The following RNF167 variants were observed in gnomAD, a reference collection of about 807,000 sequenced individuals.
RNF167 encodes E3 ubiquitin-protein ligase RNF167.
RNF167 carries 19 observed loss-of-function variants against 34.8 expected under a neutral mutation model. The ratio of observed to expected loss-of-function variants is 0.55; its 90% CI spans 0.38 to 0.80. The LOEUF (loss-of-function observed/expected upper bound fraction) is 0.80, where lower values mean the gene tolerates loss of function less well. Among genes scored for constraint, RNF167 ranks in the 30% least tolerant of loss-of-function variants. The pLI is 0.00. For missense variants in RNF167, 464 were observed against 447.0 expected (o/e 1.04, Z -0.34); for synonymous variants, 200 against 170.4 (o/e 1.17, Z -1.35).
chr17:4,944,792 CG>C lies in RNF167; in HGVS notation c.833del (p.Gly278ValfsTer47). 2 of 1,612,250 alleles carry C rather than the reference CG, an allele frequency of 1.2e-6. No homozygotes were observed. The highest frequency in any genetic ancestry group is 1.7e-6 in the Non-Finnish European group (2 of 1,179,004). On this transcript the variant is annotated frameshift_variant, in exon 10 of 10. Transcript: ENST00000262482. LOFTEE classifies it low-confidence loss of function (END_TRUNC). ...CCCCATTTGCAAGCAGCCTGTTCAT[CG>C]GGGTCCTGGGGACGAAGACCAAGAG... is the stretch of plus-strand genomic sequence containing the variant. ...TCPICKQPVH[R>X]GPGDEDQEEE... is the part of the protein sequence containing the mutation.
At chr17:4,943,026 C>A (rs1052260853) in intron 6 of RNF167, 85 bp downstream of exon 6, 5 of 1,376,496 alleles carry the variant, frequency 3.6e-6, no homozygotes, top group Non-Finnish European at 5.2e-6. Flanking sequence ...TTACCCGAAC[C>A]ATTCAGCCTC....
chr17:4,940,233 G>C (rs1567653961), upstream of RNF167: 6 of 253,872 alleles, frequency 2.4e-5, no homozygotes, highest in East Asian at 3.6e-4. Context: ...GAGATCGAGT[G>C]AGTACGGCTC....
At chr17:4,940,245 C>A (rs1316215081), upstream of RNF167, 1 of 231,870 alleles carries the variant, frequency 4.3e-6, no homozygotes, top group Non-Finnish European at 8.2e-6. Flanking sequence ...GTACGGCTCG[C>A]CAAGTTGGAG....
rs772733360 is a variant in RNF167, at chr17:4,941,197, C to T, written c.165+40C>T. On this transcript the variant is annotated intron_variant, in intron 3 of 9. Coordinates refer to ENST00000262482, the MANE Select transcript of RNF167 (RefSeq NM_015528.3). ...TTTCTTTTCCTCCTTCCCTCCCTTC[C>T]TTCCTTTTCTGTCTTTTTTCTTTTT... is the stretch of plus-strand genomic sequence containing the variant. 1.6e-5 allele frequency: 25 copies of T among 1,544,870 alleles called. No individual in the cohort carries two copies. In the Admixed American group the frequency reaches 3.3e-4, roughly 20 times the overall value.
In RNF167 at chr17:4,940,692, A is replaced by G. The variant is rs565625469; in HGVS notation, c.-218A>G. ...TTTTATCCCCGTACCAGAAAAGGAT[A>G]CATTTAGTGCCTCCCACCCAGCTCC... is the stretch of plus-strand genomic sequence containing the variant. On this transcript the variant is annotated 5_prime_UTR_variant, in exon 2 of 10. In the 5' UTR this introduces an upstream ATG that the reference lacks. Transcript: ENST00000262482. 3 of 447,606 alleles carry G rather than the reference A, an allele frequency of 6.7e-6. No homozygotes were observed. The highest frequency in any genetic ancestry group is 4.0e-5 in the African/African-American group (2 of 49,734). The allele number at this position is 447,606 out of a possible 1,614,324, so 27.7% of individuals were successfully genotyped here.
In RNF167 at chr17:4,940,617, C is replaced by T. The variant is rs1970695371; in HGVS notation, c.-293C>T. ...TCCCACCTCCTTGAGCTCCGCCACC[C>T]TTCCCGAAGTTTTTCTGTCACCTGT... is the stretch of plus-strand genomic sequence containing the variant. On this transcript the variant is annotated 5_prime_UTR_variant, in exon 2 of 10. Coordinates refer to ENST00000262482, the MANE Select transcript of RNF167 (RefSeq NM_015528.3). 3.0e-6 allele frequency: 1 copy of T among 337,758 alleles called. No individual in the cohort carries two copies. Among genetic ancestry groups the T allele is most frequent in the Non-Finnish European group, 5.4e-6 (1 of 186,540 alleles). The allele number at this position is 337,758 out of a possible 1,614,324, so 20.9% of individuals were successfully genotyped here.
rs1424765803 is a variant in RNF167, at chr17:4,943,529, T to G, written c.670+10T>G. On this transcript the variant is annotated intron_variant, in intron 8 of 9. Transcript: ENST00000262482. ...CATGACTATCAGAAGGGTGAGGGGG[T>G]TAGGGGAGAAGAGGGCTTTTCCCAC... 6.2e-7 allele frequency: 1 copy of G among 1,604,108 alleles called. No homozygotes were observed. The highest frequency in any genetic ancestry group is 2.2e-5 in the East Asian group (1 of 44,816).
chr17:4,944,818 G>GGAA lies in RNF167; in HGVS notation c.859_861dup (p.Glu287dup), dbSNP rs1372580941. The stretch of plus-strand genomic sequence containing the variant: ...GGGGTCCTGGGGACGAAGACCAAGA[G>GGAA]GAAGAAACTCAAGGGCAAGAGGAGG... On this transcript the variant is annotated inframe_insertion, in exon 10 of 10. Coordinates refer to ENST00000262482, the MANE Select transcript of RNF167 (RefSeq NM_015528.3). 62 of 1,612,426 alleles carry GGAA rather than the reference G, an allele frequency of 3.8e-5. No individual in the cohort carries two copies. Among genetic ancestry groups the GGAA allele is most frequent in the Non-Finnish European group, 5.1e-5 (60 of 1,179,262 alleles).
At chr17:4,941,261 G>C in intron 3 of RNF167, 104 bp downstream of exon 3, 1 of 1,071,426 alleles carries the variant, frequency 9.3e-7, no homozygotes, top group Non-Finnish European at 1.4e-6. Context: ...GGCTGGGGTT[G>C]GGGAGGTTTG....
chr17:4,943,658 AG>A lies in RNF167; in HGVS notation c.670+140del, dbSNP rs1456345286. The stretch of plus-strand genomic sequence containing the variant: ...CGTAATCCCAAGTGCCTCTAATCCC[AG>A]TACTTTGGGAGGCCAAGGTGGGCAG... On this transcript the variant is annotated intron_variant, in intron 8 of 9. Transcript: ENST00000262482. The A allele has an allele frequency of 4.1e-6, 3 of 730,772 alleles. No individual in the cohort carries two copies. In the African/African-American group the frequency reaches 5.2e-5, roughly 13 times the overall value. 45.3% of individuals were successfully genotyped at this position (730,772 alleles called of 1,614,324 possible).
At chr17:4,943,926 AG>A (rs1971100987) in intron 8 of RNF167, among the ~76,000 whole-genome samples, 1 of 152,188 alleles carries the variant, frequency 6.6e-6, no homozygotes, top group Non-Finnish European at 1.5e-5. Context: ...AGGAAGGCGG[AG>A]GTTGTCGGGG....
In RNF167 at chr17:4,943,463, G is replaced by A. The variant is rs763534679; in HGVS notation, c.614G>A (p.Arg205Gln). 58 of 1,614,000 alleles carry A rather than the reference G, an allele frequency of 3.6e-5. No homozygotes were observed. The highest frequency in any genetic ancestry group is 4.6e-5 in the Non-Finnish European group (54 of 1,179,974). ...RCIQHRKRLQ[R>Q]NRLTKEQLKQ... is the part of the protein sequence containing the mutation. Reference sequence around the variant, plus strand: ...ATCCAGCACCGGAAACGGCTCCAGCGGAATCGACTTACCAAAGAGCAACTG... The same window carrying A: ...ATCCAGCACCGGAAACGGCTCCAGCAGAATCGACTTACCAAAGAGCAACTG... The change falls in exon 8 of 10, where the codon CGG becomes CAG. Residue 205 changes from arginine (R) to glutamine (Q), a missense_variant. Transcript: ENST00000262482.
chr17:4,943,401 G>T lies in RNF167; in HGVS notation c.577-25G>T. The T allele has an allele frequency of 4.4e-6, 7 of 1,608,042 alleles. No homozygotes were observed. In the East Asian group the frequency reaches 1.3e-4, roughly 31 times the overall value. ...TTGTCTAGTTTTGTTCCTAAGCCTT[G>T]TCCATCCACCCCCGCTTCCCCCAGA... On this transcript the variant is annotated intron_variant, in intron 7 of 9. Coordinates refer to ENST00000262482, the MANE Select transcript of RNF167 (RefSeq NM_015528.3).
At chr17:4,943,644 G>A (rs1297115449) in intron 8 of RNF167, 125 bp downstream of exon 8, 7 of 795,618 alleles carry the variant, frequency 8.8e-6, no homozygotes, top group East Asian at 8.0e-5. Context: ...GTAATCCCAA[G>A]TGCCTCTAAT....
At position 4,943,011 on chromosome 17, in the gene RNF167, C is replaced by G. The variant is rs1043123136; in HGVS notation, c.470+70C>G. The G allele has an allele frequency of 2.2e-5, 32 of 1,451,522 alleles. 1 individual carries two copies. Among genetic ancestry groups the G allele is most frequent in the Non-Finnish European group, 2.9e-5 (30 of 1,032,910 alleles). The allele number at this position is 1,451,522 out of a possible 1,614,324, so 89.9% of individuals were successfully genotyped here. A position where few individuals can be genotyped will look rare whatever the true frequency, so the allele number is the denominator to read the frequency against. On this transcript the variant is annotated intron_variant, in intron 6 of 9. Transcript: ENST00000262482. ...CCATGCCAACCTGGAGCCCAGGCCT[C>G]CTCATTACCCGAACCATTCAGCCTC...
rs764497812 is a variant in RNF167, at chr17:4,940,835, G to A, written c.-75G>A. On this transcript the variant is annotated 5_prime_UTR_variant, in exon 2 of 10. Coordinates refer to ENST00000262482, the MANE Select transcript of RNF167 (RefSeq NM_015528.3). ...CCCTGGGATCCTAAAGGAGGGGCAG[G>A]GAGGGCGCAGAACTCCGCTTCTGCT... 1.2e-5 allele frequency: 16 copies of A among 1,373,036 alleles called. No homozygotes were observed. The highest frequency in any genetic ancestry group is 2.3e-5 in the Admixed American group (1 of 42,882). The allele number at this position is 1,373,036 out of a possible 1,614,324, so 85.1% of individuals were successfully genotyped here. A position where few individuals can be genotyped will look rare whatever the true frequency, so the allele number is the denominator to read the frequency against.
chr17:4,944,080 C>G (rs560378049), intron 8 of RNF167, among the ~76,000 whole-genome samples: 3 of 152,096 alleles, frequency 2.0e-5, no homozygotes, highest in African/African-American at 7.2e-5. Flanking sequence ...ATAAATACAA[C>G]GAAGACGGGA....
chr17:4,943,480 G>C lies in RNF167; in HGVS notation c.631G>C (p.Glu211Gln), dbSNP rs752855505. The change falls in exon 8 of 10, where the codon GAG (glutamate) becomes CAG (glutamine). Residue 211 changes from glutamate to glutamine, a missense_variant. Physicochemically the swap from Glu to Gln is conservative, Grantham distance 29. Coordinates refer to ENST00000262482, the MANE Select transcript of RNF167 (RefSeq NM_015528.3). ...GCTCCAGCGGAATCGACTTACCAAA[G>C]AGCAACTGAAACAGATTCCTACACA... ...KRLQRNRLTK[E>Q]QLKQIPTHDY... The C allele has an allele frequency of 1.2e-6, 2 of 1,614,018 alleles. No individual in the cohort carries two copies. The highest frequency in any genetic ancestry group is 1.7e-6 in the Non-Finnish European group (2 of 1,179,972).
Position 4,944,598 on chromosome 17 carries a change from T to C in RNF167, c.711T>C (p.Tyr237=). 6.2e-7 allele frequency: 1 copy of C among 1,610,358 alleles called. No individual in the cohort carries two copies. Among genetic ancestry groups the C allele is most frequent in the Non-Finnish European group, 8.5e-7 (1 of 1,178,320 alleles). Residue 237 remains tyrosine (Y), a synonymous_variant, in exon 9 of 10, where the codon TAT becomes TAC. Coordinates refer to ENST00000262482, the MANE Select transcript of RNF167 (RefSeq NM_015528.3). ...TCTGTGCCATTTGCCTGGATGAATA[T>C]GAGGATGGGGACAAGCTGCGGGTAC... The part of the protein sequence containing the change: ...YDVCAICLDE[Y]EDGDKLRVLP...
Sources: gnomAD v4.1 joint callset for allele counts (sites outside exome capture counted in the v4.1 genomes callset) on GRCh38, gnomAD v4.1.1 for gene constraint, MANE v1.5 for transcripts, NCBI Gene and HGNC (gene_info 2026-07-23, HGNC 2026-07-21) for gene names.